The following SPEF2 variants were observed in gnomAD, a reference collection of about 807,000 sequenced individuals.
SPEF2 encodes the protein sperm flagella and cilia-associated protein 2.
A neutral mutation model predicts 224.6 loss-of-function variants in SPEF2; 187 were observed. That is an observed-to-expected ratio of 0.83 (90% CI 0.74 to 0.94). The LOEUF (loss-of-function observed/expected upper bound fraction) is 0.94, where lower values mean the gene tolerates loss of function less well. Among genes scored for constraint, SPEF2 ranks in the 40% least tolerant of loss-of-function variants. The pLI, the probability that SPEF2 is intolerant of heterozygous loss-of-function variation, is 0.00. For synonymous variants in SPEF2, 715 were observed against 707.3 expected, an observed-to-expected ratio of 1.01 and a Z score of -0.17; for missense variants, 2,170 against 2,135.6, an observed-to-expected ratio of 1.02 and a Z score of -0.32.
chr5:35,795,517 T>C, intron 32 of SPEF2, among the ~76,000 whole-genome samples, 186 bp from the exon 33 acceptor site: 1 of 152,280 alleles, frequency 6.6e-6, no homozygotes, highest in South Asian at 2.1e-4. Context: ...AAAAATTATG[T>C]AAGAATGAGA....
intron 20 of SPEF2, among the ~76,000 whole-genome samples, chr5:35,719,703 G>A (rs970186021): frequency 1.3e-5 from 2 of 152,036 alleles, no homozygotes; most frequent in Non-Finnish European, 1.5e-5. Context: ...CTCACTGCAA[G>A]CTCCACCTCC....
At chr5:35,658,911 T>G in intron 7 of SPEF2, 108 bp from the exon 8 acceptor site, 1 of 789,802 alleles carries the variant, frequency 1.3e-6, no homozygotes, top group Non-Finnish European at 1.8e-6. Context: ...TGACAGAAAC[T>G]GATTTAGATG....
chr5:35,636,402 G>T (rs566677373), intron 2 of SPEF2, among the ~76,000 whole-genome samples: 1 of 152,252 alleles, frequency 6.6e-6, no homozygotes, highest in South Asian at 2.1e-4. Flanking sequence ...ACCTCCTCAT[G>T]TCTTTCCTAG....
chr5:35,811,423 AT>A (rs146851335), intron 36 of SPEF2, among the ~76,000 whole-genome samples: 127 of 152,302 alleles, frequency 8.3e-4, no homozygotes, highest in African/African-American at 2.8e-3. Flanking sequence ...TAAGATACAT[AT>A]TTGAAAAAAA....
At chr5:35,763,787 A>G in intron 26 of SPEF2, 85 bp downstream of exon 26, 1 of 1,318,256 alleles carries the variant, frequency 7.6e-7, no homozygotes, top group Non-Finnish European at 1.0e-6. Flanking sequence ...TGGAAAATTG[A>G]CACAATGCTC....
chr5:35,631,989 G>A (rs574710933), intron 2 of SPEF2, among the ~76,000 whole-genome samples: 9 of 152,140 alleles, frequency 5.9e-5, no homozygotes, highest in East Asian at 1.9e-4. Context: ...TTCATTGTCC[G>A]TATCACTGTC....
chr5:35,740,898 C>T (rs537531666), intron 23 of SPEF2, among the ~76,000 whole-genome samples: 2 of 152,258 alleles, frequency 1.3e-5, no homozygotes, highest in South Asian at 2.1e-4. Context: ...GACACACCCC[C>T]CCTTATCCCA....
chr5:35,728,721 G>C (rs1474473108), intron 21 of SPEF2, among the ~76,000 whole-genome samples: 1 of 152,118 alleles, frequency 6.6e-6, no homozygotes, highest in Non-Finnish European at 1.5e-5. Context: ...GTATGTAACA[G>C]ATTCTTGATA....
intron 26 of SPEF2, among the ~76,000 whole-genome samples, chr5:35,766,834 T>C (rs1752155605): frequency 6.6e-6 from 1 of 151,878 alleles, no homozygotes; most frequent in South Asian, 2.1e-4. Flanking sequence ...TATGTTACTT[T>C]TATCATCGAA....
At chr5:35,779,091 A>T in intron 29 of SPEF2, 26 bp from the exon 30 acceptor site, 1 of 1,553,208 alleles carries the variant, frequency 6.4e-7, no homozygotes, top group Non-Finnish European at 8.8e-7. Context: ...TCATGGGGTT[A>T]ACGCTATCCA....
chr5:35,702,990 G>A (rs776652224), intron 16 of SPEF2, among the ~76,000 whole-genome samples: 9 of 152,102 alleles, frequency 5.9e-5, no homozygotes, highest in East Asian at 1.9e-4. Context: ...GCAGTGTATT[G>A]AGGTGTGAGT....
rs1749468478 is a variant in SPEF2 at position 35,751,056 on chromosome 5, CGTATATATATGTAT to C, written c.3331-2567_3331-2554del. 7.0e-4 allele frequency among the ~76,000 whole-genome samples: 20 copies of C among 28,608 alleles called. 4 individuals are homozygous for C. The highest frequency in any genetic ancestry group is 1.8e-3 in the African/African-American group (20 of 10,958). 18.8% of individuals were successfully genotyped at this position (28,608 alleles called of 152,430 possible). A position where few individuals can be genotyped will look rare whatever the true frequency, so the allele number is the denominator to read the frequency against. ...ATATACACATATGTATATATATATA[CGTATATATATGTAT>C]ATATATATACACACACACACACACA... On this transcript the variant is annotated intron_variant, in intron 23 of 36. Transcript: ENST00000356031.
intron 10 of SPEF2, among the ~76,000 whole-genome samples, chr5:35,688,350 G>T (rs141502898): frequency 6.6e-6 from 1 of 152,286 alleles, no homozygotes; most frequent in Non-Finnish European, 1.5e-5. Flanking sequence ...ATGGAAAAAT[G>T]TGTAGTTTAT....
chr5:35,804,120 C>T (rs1229374078), intron 34 of SPEF2, among the ~76,000 whole-genome samples: 5 of 152,314 alleles, frequency 3.3e-5, no homozygotes, highest in African/African-American at 1.2e-4. Context: ...GAAACACATA[C>T]ATTTCTATGC....
chr5:35,676,310 G>T (rs1752001497), intron 10 of SPEF2, among the ~76,000 whole-genome samples: 2 of 152,156 alleles, frequency 1.3e-5, no homozygotes, highest in South Asian at 2.1e-4. Context: ...CTGAGTTTTG[G>T]GTTTGTTCTC....
At chr5:35,643,880 G>A (rs1342573430) in intron 3 of SPEF2, among the ~76,000 whole-genome samples, 6 of 151,954 alleles carry the variant, frequency 3.9e-5, no homozygotes, top group African/African-American at 9.7e-5. Context: ...TAGGTAACTC[G>A]CCCAATTTTA....
intron 10 of SPEF2, among the ~76,000 whole-genome samples, chr5:35,671,963 T>C (rs1473056778): frequency 1.3e-5 from 2 of 151,994 alleles, no homozygotes; most frequent in Non-Finnish European, 2.9e-5. Context: ...TAGGATATAC[T>C]GTAAACTATT....
At position 35,709,971 on chromosome 5, in the gene SPEF2, G is replaced by A. The variant is rs184991711; in HGVS notation, c.2839+850G>A. ...AAACTCTATAGTCTTTCTGCCTCAC[G>A]GAGATTTGAGATAGGTCTTAATTTT... is the stretch of plus-strand genomic sequence containing the variant. On this transcript the variant is annotated intron_variant, in intron 19 of 36. Coordinates refer to ENST00000356031, the MANE Select transcript of SPEF2 (RefSeq NM_024867.4). 8.4e-5 allele frequency: 83 copies of A among 983,784 alleles called. No individual in the cohort carries two copies. The East Asian group carries it at 7.6e-3, about 90-fold the overall frequency. The allele number at this position is 983,784 out of a possible 1,614,324, so 60.9% of individuals were successfully genotyped here.
intron 5 of SPEF2, among the ~76,000 whole-genome samples, chr5:35,649,013 CAAA>C (rs1254494736): frequency 1.3e-5 from 1 of 79,060 alleles, no homozygotes. Flanking sequence ...GACTCCATCT[CAAA>C]AAAAAAAAAA....
Sources: gnomAD v4.1 joint callset for allele counts (sites outside exome capture counted in the v4.1 genomes callset) on GRCh38, gnomAD v4.1.1 for gene constraint, MANE v1.5 for transcripts, NCBI Gene and HGNC (gene_info 2026-07-23, HGNC 2026-07-21) for gene names.